Variants in TTC23 observed in about 807,000 individuals in gnomAD.
The protein encoded by TTC23 is tetratricopeptide repeat protein 23.
A neutral mutation model predicts 55.1 loss-of-function variants in TTC23; 58 were observed. That is an observed-to-expected ratio of 1.05 (90% CI 0.85 to 1.31). The LOEUF is 1.31. TTC23 is among the 50% of genes most tolerant of loss of function. The pLI is 0.00. For missense variants in TTC23, 516 were observed against 534.4 expected, an observed-to-expected ratio of 0.97 and a Z score of 0.34; for synonymous variants, 203 against 199.9, an observed-to-expected ratio of 1.02 and a Z score of -0.13.
chr15:99,213,895 T>G (rs1279066490), intron 8 of TTC23, among the ~76,000 whole-genome samples: 3 of 152,220 alleles, frequency 2.0e-5, no homozygotes, highest in African/African-American at 4.8e-5. Context: ...GCATTTCTAT[T>G]GGGTGTATAA....
chr15:99,217,061 G>C lies in TTC23; in HGVS notation c.581+1527C>G, dbSNP rs1380363875. ...GCATTATACAGGAACCAGAAGCAATGAACTAAAATCCAGGCAACAACCAAA... is the reference window on the plus strand; with the variant it reads ...GCATTATACAGGAACCAGAAGCAATCAACTAAAATCCAGGCAACAACCAAA... On this transcript the variant is annotated intron_variant, in intron 8 of 13. Coordinates refer to ENST00000394132, the MANE Select transcript of TTC23 (RefSeq NM_001288615.3). Among the ~76,000 whole-genome samples, 9 of 152,104 alleles carry C rather than the reference G, an allele frequency of 5.9e-5. No homozygotes were observed. The South Asian group carries it at 1.7e-3, about 28-fold the overall frequency.
intron 9 of TTC23, among the ~76,000 whole-genome samples, chr15:99,187,115 C>G (rs2074739758): frequency 6.6e-6 from 1 of 151,936 alleles, no homozygotes; most frequent in South Asian, 2.1e-4. Flanking sequence ...GATAAACATA[C>G]AGATCAATGG....
chr15:99,139,473 A>G, intron 12 of TTC23, 74 bp from the exon 13 acceptor site: 1 of 1,600,066 alleles, frequency 6.2e-7, no homozygotes, highest in Non-Finnish European at 8.5e-7. Context: ...TCTCCCTTGA[A>G]TGAGAGAAAG....
intron 9 of TTC23, among the ~76,000 whole-genome samples, chr15:99,196,588 C>T (rs2075733976): frequency 6.6e-6 from 1 of 152,192 alleles, no homozygotes; most frequent in African/African-American, 2.4e-5. Flanking sequence ...GCACAACCCC[C>T]AGGCCTGTCA....
chr15:99,190,266 T>TG (rs1555513946), intron 9 of TTC23, among the ~76,000 whole-genome samples: 128 of 151,172 alleles, frequency 8.5e-4, no homozygotes, highest in South Asian at 1.7e-3. Flanking sequence ...TGTTTTTTTT[T>TG]TTTGTTTGTT....
chr15:99,228,373 G>T (rs184139703), intron 5 of TTC23, 160 bp downstream of exon 5: 1 of 550,974 alleles, frequency 1.8e-6, no homozygotes, highest in Non-Finnish European at 3.0e-6. Context: ...GAGCCTAGAG[G>T]TACTGCATTC....
chr15:99,226,905 G>A (rs1189612352), intron 5 of TTC23, among the ~76,000 whole-genome samples: 1 of 152,186 alleles, frequency 6.6e-6, no homozygotes, highest in Non-Finnish European at 1.5e-5. Flanking sequence ...AGGTCCATCA[G>A]GGTATGCACC....
chr15:99,228,347 C>A, intron 5 of TTC23, 186 bp downstream of exon 5: 1 of 448,298 alleles, frequency 2.2e-6, no homozygotes, highest in Admixed American at 3.9e-5. Context: ...GTTGGCCATG[C>A]GAACTGCTGT....
intron 3 of TTC23, among the ~76,000 whole-genome samples, chr15:99,236,152 C>G (rs922493438): frequency 6.6e-6 from 1 of 152,034 alleles, no homozygotes; most frequent in East Asian, 1.9e-4. Flanking sequence ...GAGGTACATG[C>G]CCAGAAGTGA....
At chr15:99,157,157 G>A (rs1243831751) in intron 11 of TTC23, 2 of 121,948 alleles carry the variant, frequency 1.6e-5, no homozygotes, top group African/African-American at 3.3e-5. Flanking sequence ...TTTTAAATCC[G>A]TCTCACCGTC....
At chr15:99,237,872 T>C (rs1028577441) in intron 3 of TTC23, among the ~76,000 whole-genome samples, 1 of 152,106 alleles carries the variant, frequency 6.6e-6, no homozygotes, top group African/African-American at 2.4e-5. Context: ...CTTTCAGAGA[T>C]CCCTCCCCAT....
At chr15:99,231,654 G>A (rs1175441491) in intron 4 of TTC23, among the ~76,000 whole-genome samples, 3 of 151,908 alleles carry the variant, frequency 2.0e-5, no homozygotes, top group Non-Finnish European at 2.9e-5. Flanking sequence ...CACCATACCC[G>A]GCTATTTTTT....
intron 11 of TTC23, among the ~76,000 whole-genome samples, chr15:99,156,733 T>C (rs570761828): frequency 4.6e-5 from 7 of 152,190 alleles, no homozygotes; most frequent in Non-Finnish European, 1.0e-4. Context: ...TTATAGGAAC[T>C]ATAATTCAAG....
At chr15:99,232,968 G>T (rs1567552133) in intron 4 of TTC23, among the ~76,000 whole-genome samples, 1 of 152,126 alleles carries the variant, frequency 6.6e-6, no homozygotes, top group Admixed American at 6.5e-5. Context: ...AAAAAGAAGG[G>T]CATCCTGTCA....
Position 99,156,170 on chromosome 15 carries a change from C to G in TTC23, c.1121G>C (p.Gly374Ala). 1 of 1,614,202 alleles carries G rather than the reference C, an allele frequency of 6.2e-7. No homozygotes were observed. Among genetic ancestry groups the G allele is most frequent in the South Asian group, 1.1e-5 (1 of 91,084 alleles). ...GADLAQGNHSGARKKLKKCLQ... is the reference protein window; with the variant it reads ...GADLAQGNHSAARKKLKKCLQ... ...TACCTTCTTCAGTTTCTTGCGGGCC[C>G]CACTGTGGTTCCCCTGCGCCAGGTC... is the stretch of plus-strand genomic sequence containing the variant. The change falls in exon 12 of 14, where the codon GGG (glycine) becomes GCG (alanine). Residue 374 changes from glycine to alanine, a missense_variant. Gly to Ala is a moderately conservative substitution (Grantham distance 60). Coordinates refer to ENST00000394132, the MANE Select transcript of TTC23 (RefSeq NM_001288615.3).
At chr15:99,222,038 T>TG (rs2077982947) in intron 5 of TTC23, among the ~76,000 whole-genome samples, 174 bp from the exon 6 acceptor site, 1 of 152,030 alleles carries the variant, frequency 6.6e-6, no homozygotes, top group Admixed American at 6.6e-5. Context: ...CTATTTGGGG[T>TG]GGTAGCATGT....
At chr15:99,248,140 C>A (rs1332802386) in intron 1 of TTC23, 1 of 152,108 alleles carries the variant, frequency 6.6e-6, no homozygotes, top group African/African-American at 2.4e-5. Flanking sequence ...TTATATTATT[C>A]AACAATGATA....
At chr15:99,175,929 A>C (rs1273967972) in intron 9 of TTC23, among the ~76,000 whole-genome samples, 1 of 152,178 alleles carries the variant, frequency 6.6e-6, no homozygotes, top group East Asian at 1.9e-4. Context: ...TGGGAGGTGG[A>C]GGTTGCAGTG....
At position 99,175,039 on chromosome 15, in the gene TTC23, A is replaced by G; in HGVS notation, c.865+11T>C. 1 of 1,612,304 alleles carries G rather than the reference A, an allele frequency of 6.2e-7. No individual in the cohort carries two copies. Among genetic ancestry groups the G allele is most frequent in the Non-Finnish European group, 8.5e-7 (1 of 1,178,708 alleles). On this transcript the variant is annotated intron_variant, in intron 10 of 13. Coordinates refer to ENST00000394132, the MANE Select transcript of TTC23 (RefSeq NM_001288615.3). Reference sequence around the variant, plus strand: ...GCCTGTGAGACAGGAAGAGAAAAGGATTCTTCTCACCATGGTGCTCGTGTC... The same window carrying G: ...GCCTGTGAGACAGGAAGAGAAAAGGGTTCTTCTCACCATGGTGCTCGTGTC...
Sources: gnomAD v4.1 joint callset for allele counts (sites outside exome capture counted in the v4.1 genomes callset) on GRCh38, gnomAD v4.1.1 for gene constraint, MANE v1.5 for transcripts, NCBI Gene and HGNC (gene_info 2026-07-23, HGNC 2026-07-21) for gene names.